The following KIAA0319 variants were observed in gnomAD, a reference collection of about 807,000 sequenced individuals.
KIAA0319 encodes the protein KIAA0319, also known as dyslexia-associated protein KIAA0319.
KIAA0319 carries 83 observed loss-of-function variants against 108.4 expected under a neutral mutation model. That is an observed-to-expected ratio of 0.77 (90% CI 0.64 to 0.92). The LOEUF (loss-of-function observed/expected upper bound fraction) is 0.92. Ranked by LOEUF, KIAA0319 falls within the 40% of genes least tolerant of loss-of-function variation. KIAA0319 has a pLI of 0.00. For synonymous variants in KIAA0319, 484 were observed against 510.4 expected (o/e 0.95, Z 0.70); for missense variants, 1,195 against 1,322.4 (o/e 0.90, Z 1.49).
At chr6:24,635,013 GT>G (rs1305988045) in intron 1 of KIAA0319, among the ~76,000 whole-genome samples, 1 of 152,162 alleles carries the variant, frequency 6.6e-6, no homozygotes, top group Non-Finnish European at 1.5e-5. Context: ...ATAAGATAAG[GT>G]GAGCTTAGAG....
intron 15 of KIAA0319, 146 bp from the exon 16 acceptor site, chr6:24,563,664 A>T: frequency 3.2e-6 from 2 of 621,822 alleles, no homozygotes; most frequent in Non-Finnish European, 5.2e-6. Flanking sequence ...TCTTCTAAAC[A>T]CCGCAAAGGC....
intron 14 of KIAA0319, among the ~76,000 whole-genome samples, chr6:24,565,493 G>A (rs778620602): frequency 6.6e-6 from 1 of 152,036 alleles, no homozygotes; most frequent in African/African-American, 2.4e-5. Flanking sequence ...GGTGGCTCAC[G>A]CCTGTAATCC....
chr6:24,553,626 G>A (rs1044839858), intron 19 of KIAA0319, among the ~76,000 whole-genome samples: 1 of 152,114 alleles, frequency 6.6e-6, no homozygotes, highest in Admixed American at 6.5e-5. Context: ...TGCCTCCTAC[G>A]AGGAGAATGG....
Position 24,599,374 on chromosome 6 carries a change from G to A in KIAA0319, c.55+1675C>T, listed in dbSNP as rs1204206799. 1.5e-5 allele frequency: 8 copies of A among 539,022 alleles called. No homozygotes were observed. Among genetic ancestry groups the A allele is most frequent in the East Asian group, 4.3e-5 (1 of 23,422 alleles). 33.4% of individuals were successfully genotyped at this position (539,022 alleles called of 1,614,324 possible). On this transcript the variant is annotated intron_variant, in intron 2 of 20. Coordinates refer to ENST00000378214, the MANE Select transcript of KIAA0319 (RefSeq NM_014809.4). The surrounding 1 kb of genome is among the most constrained non-coding windows in gnomAD (Gnocchi z 4.1). ...GCCACCATTGTGGATGCGGAGAAGC[G>A]TGGGGAGCTGGCCATTAAGGATGCC...
chr6:24,619,840 T>C (rs1451460871), intron 1 of KIAA0319, among the ~76,000 whole-genome samples: 5 of 152,214 alleles, frequency 3.3e-5, no homozygotes, highest in Non-Finnish European at 7.3e-5. Context: ...GAGTGCCATA[T>C]TTTGCTGCAG....
At position 24,579,412 on chromosome 6, in the gene KIAA0319, G is replaced by GATATATATATATATATATATATATAT. The variant is rs3840133; in HGVS notation, c.1372+445_1372+446insATATATATATATATATATATATATAT. Among the ~76,000 whole-genome samples the GATATATATATATATATATATATATAT allele has an allele frequency of 1.1e-3, 141 of 127,180 alleles. 2 individuals carry two copies. Among genetic ancestry groups the GATATATATATATATATATATATATAT allele is most frequent in the African/African-American group, 4.2e-3 (132 of 31,394 alleles). 83.4% of individuals were successfully genotyped at this position (127,180 alleles called of 152,430 possible). A position where few individuals can be genotyped will look rare whatever the true frequency, so the allele number is the denominator to read the frequency against. On this transcript the variant is annotated intron_variant, in intron 8 of 20. Transcript: ENST00000378214. ...GGTCACGGGAGCTCCTCTATATAAA[G>GATATATATATATATATATATATATAT]ATATATATATATATATATATCTTAT...
intron 1 of KIAA0319, among the ~76,000 whole-genome samples, chr6:24,627,794 G>A (rs1774919426): frequency 6.6e-6 from 1 of 152,312 alleles, no homozygotes; most frequent in African/African-American, 2.4e-5. Context: ...TAAAAGTACA[G>A]ATAATTATCT....
At chr6:24,561,125 G>C (rs763759119) in intron 16 of KIAA0319, among the ~76,000 whole-genome samples, 1 of 152,232 alleles carries the variant, frequency 6.6e-6, no homozygotes, top group Non-Finnish European at 1.5e-5. Context: ...CTTGTAATAA[G>C]TTGCTGGATT....
At chr6:24,583,819 AGTT>A in intron 4 of KIAA0319, 117 bp from the exon 5 acceptor site, 1 of 683,514 alleles carries the variant, frequency 1.5e-6, no homozygotes, top group Non-Finnish European at 2.5e-6. Flanking sequence ...CTTTTGTAAT[AGTT>A]CTTCATAAGA....
Position 24,547,202 on chromosome 6 carries a change from T to C in KIAA0319, c.3182A>G (p.Asn1061Ser), listed in dbSNP as rs200733699. 1.3e-4 allele frequency: 208 copies of C among 1,614,088 alleles called. 1 individual carries two copies. The highest frequency in any genetic ancestry group is 1.7e-4 in the Admixed American group (10 of 60,008). ...PKVSMNGSIR[N>S]GASFSYCSKD... ...TGAGCAATAACTGAAGGAAGCTCCATTTCTGATGGAACCATTCATGGAAAC... is the reference window on the plus strand; with the variant it reads ...TGAGCAATAACTGAAGGAAGCTCCACTTCTGATGGAACCATTCATGGAAAC... Residue 1061 changes from asparagine (N) to serine (S), a missense_variant, in exon 21 of 21, where the codon AAT becomes AGT. Coordinates refer to ENST00000378214, the MANE Select transcript of KIAA0319 (RefSeq NM_014809.4).
chr6:24,587,311 C>CT (rs1326381902), intron 4 of KIAA0319, among the ~76,000 whole-genome samples: 1 of 151,866 alleles, frequency 6.6e-6, no homozygotes, highest in African/African-American at 2.4e-5. Flanking sequence ...GAATCTCACT[C>CT]TGTCGCCCAG....
In KIAA0319 at chr6:24,596,209, C is replaced by G. The variant is rs775162556; in HGVS notation, c.465G>C (p.Glu155Asp). Residue 155 changes from glutamate to aspartate, a missense_variant, in exon 3 of 21, where the codon GAG becomes GAC. Glu to Asp is a conservative substitution (Grantham distance 45, BLOSUM62 2). Transcript: ENST00000378214. The stretch of plus-strand genomic sequence containing the variant: ...CCAGCTCCCGGTAGTCATCTGAGTA[C>G]TCAGACATCTCCTCTAGGCCCCAAT... ...GKDWGLEEMS[E>D]YSDDYRELEK... is the part of the protein sequence containing the mutation. The G allele has an allele frequency of 2.5e-6, 4 of 1,614,180 alleles. No homozygotes were observed. The highest frequency in any genetic ancestry group is 3.4e-6 in the Non-Finnish European group (4 of 1,180,044).
At chr6:24,608,981 G>A (rs1771879474) in intron 1 of KIAA0319, among the ~76,000 whole-genome samples, 1 of 141,746 alleles carries the variant, frequency 7.1e-6, no homozygotes, top group Non-Finnish European at 1.5e-5. Context: ...AGTGGAGAAG[G>A]CCAGGTGCAG....
intron 3 of KIAA0319, among the ~76,000 whole-genome samples, chr6:24,594,952 T>C (rs1769224688): frequency 6.6e-6 from 1 of 152,178 alleles, no homozygotes; most frequent in South Asian, 2.1e-4. Context: ...CAGTTCTCAT[T>C]GTCTGTCTCC....
At chr6:24,641,977 C>T (rs1234855453) in intron 1 of KIAA0319, among the ~76,000 whole-genome samples, 1 of 131,946 alleles carries the variant, frequency 7.6e-6, no homozygotes, top group African/African-American at 2.8e-5. Flanking sequence ...GATCGTGGCA[C>T]TGTACTTCAG....
At position 24,596,512 on chromosome 6, in the gene KIAA0319, G is replaced by A. The variant is rs760317255; in HGVS notation, c.162C>T (p.Val54=). 13 of 1,613,938 alleles carry A rather than the reference G, an allele frequency of 8.1e-6. No individual in the cohort carries two copies. Among genetic ancestry groups the A allele is most frequent in the East Asian group, 2.2e-5 (1 of 44,880 alleles). ...RIMRVSHTFP[V]VDCTAACCDL... is the part of the protein sequence containing the mutation. ...CACAGCAAGCGGCCGTGCAGTCTAC[G>A]ACAGGGAAGGTGTGAGACACCCGCA... Residue 54 remains valine, a synonymous_variant, in exon 3 of 21, where the codon GTC becomes GTT. Transcript: ENST00000378214.
chr6:24,598,630 C>G, intron 2 of KIAA0319: 1 of 314,162 alleles, frequency 3.2e-6, no homozygotes, highest in Non-Finnish European at 6.2e-6. Flanking sequence ...AATCCCAACA[C>G]TTTGGGAGGC....
At chr6:24,551,590 C>A in intron 19 of KIAA0319, 65 bp from the exon 20 acceptor site, 10 of 1,123,860 alleles carry the variant, frequency 8.9e-6, no homozygotes, top group Non-Finnish European at 1.4e-5. Flanking sequence ...TAGGATTTAA[C>A]GCACAGTAAA....
chr6:24,564,440 A>G, intron 14 of KIAA0319, 100 bp from the exon 15 acceptor site: 1 of 1,471,574 alleles, frequency 6.8e-7, no homozygotes, highest in Admixed American at 1.8e-5. Context: ...TTTTTAACAC[A>G]GGCGTGACTT....
Sources: allele counts gnomAD v4.1 joint callset (sites outside exome capture counted in the v4.1 genomes callset), GRCh38; gene constraint gnomAD v4.1.1; non-coding constraint Gnocchi (gnomAD v3.1); transcripts MANE v1.5; gene names NCBI Gene and HGNC (gene_info 2026-07-23, HGNC 2026-07-21).